BICD1: variants seen among roughly 807,000 people sequenced by gnomAD.
BICD1 encodes BICD cargo adaptor 1.
Under a neutral mutation model 92.5 loss-of-function variants are expected in BICD1, and 35 were observed. That is an observed-to-expected ratio of 0.38 (90% CI 0.29 to 0.50). The LOEUF (loss-of-function observed/expected upper bound fraction) is 0.50, where lower values mean the gene tolerates loss of function less well. Among genes scored for constraint, BICD1 ranks in the 20% least tolerant of loss-of-function variants. BICD1 has a pLI of 0.93. For missense variants in BICD1, 950 were observed against 1,189.8 expected (o/e 0.80, Z 2.97); for synonymous variants, 429 against 465.1 (o/e 0.92, Z 1.00).
intron 2 of BICD1, among the ~76,000 whole-genome samples, chr12:32,264,249 C>T (rs1946933915): frequency 6.6e-6 from 1 of 152,114 alleles, no homozygotes; most frequent in Non-Finnish European, 1.5e-5. Flanking sequence ...GTTATTAGCT[C>T]TTAAGTATAT....
At chr12:32,150,130 C>T (rs1271289204) in intron 1 of BICD1, among the ~76,000 whole-genome samples, 2 of 152,132 alleles carry the variant, frequency 1.3e-5, no homozygotes. Flanking sequence ...ATGGGAAAGA[C>T]CTGTCCCCAT....
chr12:32,110,437 A>T (rs1301574972), intron 1 of BICD1, among the ~76,000 whole-genome samples: 2 of 152,232 alleles, frequency 1.3e-5, no homozygotes, highest in East Asian at 3.8e-4. Flanking sequence ...TTCTGACATC[A>T]TCAAAGTGTT....
intron 1 of BICD1, among the ~76,000 whole-genome samples, chr12:32,209,623 G>GTTATTTTA (rs1945155684): frequency 6.6e-6 from 1 of 152,226 alleles, no homozygotes; most frequent in Non-Finnish European, 1.5e-5. Flanking sequence ...TACTTTAGAA[G>GTTATTTTA]AGACTGTAAA....
chr12:32,317,212 G>T (rs866952768), intron 4 of BICD1, among the ~76,000 whole-genome samples: 14 of 152,218 alleles, frequency 9.2e-5, no homozygotes, highest in Middle Eastern at 6.8e-3. Context: ...AATCCTTTGG[G>T]TATATACCCA....
chr12:32,325,883 C>G (rs775718739), intron 4 of BICD1, among the ~76,000 whole-genome samples: 3 of 151,674 alleles, frequency 2.0e-5, no homozygotes, highest in Non-Finnish European at 4.4e-5. Flanking sequence ...GAGATCGAGA[C>G]TATCCTGGCT....
At chr12:32,109,341 A>T (rs1941604272) in intron 1 of BICD1, 1 of 152,200 alleles carries the variant, frequency 6.6e-6, no homozygotes, top group South Asian at 2.1e-4. Context: ...TCACTAGTCA[A>T]TATTGATTAG....
chr12:32,266,109 T>C (rs2136136455), intron 2 of BICD1, among the ~76,000 whole-genome samples: 1 of 152,318 alleles, frequency 6.6e-6, no homozygotes, highest in Non-Finnish European at 1.5e-5. Flanking sequence ...GATTTCTATT[T>C]AGGTCATTTC....
At chr12:32,269,673 C>CA (rs1259480073) in intron 2 of BICD1, among the ~76,000 whole-genome samples, 5 of 152,108 alleles carry the variant, frequency 3.3e-5, no homozygotes, top group Non-Finnish European at 7.4e-5. Context: ...TTTCTGATGC[C>CA]ATTATAAACC....
At chr12:32,137,888 C>A (rs1200462963) in intron 1 of BICD1, among the ~76,000 whole-genome samples, 1 of 151,998 alleles carries the variant, frequency 6.6e-6, no homozygotes, top group African/African-American at 2.4e-5. Context: ...ACCTCCGCCT[C>A]CCAGGTTCAA....
intron 1 of BICD1, among the ~76,000 whole-genome samples, chr12:32,129,334 G>A (rs1437801047): frequency 6.6e-6 from 1 of 151,244 alleles, no homozygotes; most frequent in Non-Finnish European, 1.5e-5. Context: ...GACCAGCCTG[G>A]CCAACATAGT....
At chr12:32,288,585 G>T (rs565263701) in intron 2 of BICD1, among the ~76,000 whole-genome samples, 2 of 152,096 alleles carry the variant, frequency 1.3e-5, no homozygotes, top group South Asian at 4.2e-4. Flanking sequence ...TAATAAGTTG[G>T]CCGGGCTTGG....
intron 4 of BICD1, among the ~76,000 whole-genome samples, chr12:32,307,794 C>G: frequency 6.6e-6 from 1 of 152,274 alleles, no homozygotes; most frequent in Middle Eastern, 3.4e-3. Flanking sequence ...AAACATATTT[C>G]CTTGTGAAAA....
intron 2 of BICD1, among the ~76,000 whole-genome samples, chr12:32,253,053 T>C (rs527997640): frequency 1.2e-4 from 18 of 152,096 alleles, no homozygotes; most frequent in African/African-American, 3.9e-4. Context: ...CAGGTAATTT[T>C]TGCATTTTTT....
At chr12:32,344,413 G>C (rs1159222737) in intron 8 of BICD1, among the ~76,000 whole-genome samples, 1 of 152,178 alleles carries the variant, frequency 6.6e-6, no homozygotes, top group Non-Finnish European at 1.5e-5. Flanking sequence ...GACTTACCAC[G>C]GGCATAGCTT....
chr12:32,315,812 A>G (rs1034611353), intron 4 of BICD1, among the ~76,000 whole-genome samples: 2 of 152,118 alleles, frequency 1.3e-5, no homozygotes, highest in Non-Finnish European at 2.9e-5. Context: ...AATAAATTAC[A>G]TGAGATAGTA....
At chr12:32,191,951 C>G (rs1944581460) in intron 1 of BICD1, among the ~76,000 whole-genome samples, 1 of 151,972 alleles carries the variant, frequency 6.6e-6, no homozygotes, top group Non-Finnish European at 1.5e-5. Context: ...CTATAATGGC[C>G]TCTAATTGTT....
Position 32,137,056 on chromosome 12 carries a change from A to G in BICD1, c.213+29512A>G, listed in dbSNP as rs148302476. On this transcript the variant is annotated intron_variant, in intron 1 of 9. Coordinates refer to ENST00000652176, the MANE Select transcript of BICD1 (RefSeq NM_001714.4). ...CTCTAGTTTTCACTGAATATTTAGTATTTTTAAGTTAGGTTTTTTTGTTGT... is the reference window on the plus strand; with the variant it reads ...CTCTAGTTTTCACTGAATATTTAGTGTTTTTAAGTTAGGTTTTTTTGTTGT... Among the ~76,000 whole-genome samples, 11 of 152,184 alleles carry G rather than the reference A, an allele frequency of 7.2e-5. No individual in the cohort carries two copies. In the East Asian group the frequency reaches 1.9e-3, roughly 27 times the overall value.
rs146456517 is a variant in BICD1, at chr12:32,331,714, A to G, written c.2101-2802A>G. ...CTCATGTCAGCACTCAAAAGGTTTCAGATTTTGAAGCATTTTGGATTTTGG... is the reference window on the plus strand; with the variant it reads ...CTCATGTCAGCACTCAAAAGGTTTCGGATTTTGAAGCATTTTGGATTTTGG... On this transcript the variant is annotated intron_variant, in intron 5 of 9. Transcript: ENST00000652176. Among the ~76,000 whole-genome samples the G allele has an allele frequency of 3.8e-4, 58 of 152,324 alleles. 1 individual carries two copies. In the East Asian group the frequency reaches 6.0e-3, roughly 16 times the overall value.
rs185079985 is a variant in BICD1, at chr12:32,329,135, C to T, written c.2100+580C>T. ...TTATTTTTGTTTTGAGACAGAGTCT[C>T]GCTCTGTTGTCCAGGCTGGAGTGCA... On this transcript the variant is annotated intron_variant, in intron 5 of 9. Coordinates refer to ENST00000652176, the MANE Select transcript of BICD1 (RefSeq NM_001714.4). 3.3e-3 allele frequency among the ~76,000 whole-genome samples: 495 copies of T among 152,110 alleles called. 3 individuals carry two copies. Among genetic ancestry groups the T allele is most frequent in the African/African-American group, 0.01 (434 of 41,496 alleles).
Sources: gnomAD v4.1 joint callset for allele counts (sites outside exome capture counted in the v4.1 genomes callset) on GRCh38, gnomAD v4.1.1 for gene constraint, MANE v1.5 for transcripts, NCBI Gene and HGNC (gene_info 2026-07-23, HGNC 2026-07-21) for gene names.